CCDC66: variants seen among roughly 807,000 people sequenced by gnomAD.
CCDC66 encodes coiled-coil domain-containing protein 66.
CCDC66 carries 133 observed loss-of-function variants against 128.3 expected under a neutral mutation model. The ratio of observed to expected loss-of-function variants is 1.04; its 90% CI spans 0.90 to 1.20. CCDC66 has a LOEUF of 1.20. Among genes scored for constraint, CCDC66 ranks in the 50% most tolerant of loss-of-function variants. The pLI is 0.00. For missense variants in CCDC66, 1,126 were observed against 1,075.5 expected, an observed-to-expected ratio of 1.05 and a Z score of -0.66; for synonymous variants, 387 against 357.0, an observed-to-expected ratio of 1.08 and a Z score of -0.95.
intron 7 of CCDC66, among the ~76,000 whole-genome samples, chr3:56,588,941 G>GTA (rs2070334771): frequency 6.6e-6 from 1 of 152,176 alleles, no homozygotes; most frequent in Admixed American, 6.5e-5. Context: ...GTGACCTAAA[G>GTA]TATTCATCTC....
intron 10 of CCDC66, among the ~76,000 whole-genome samples, chr3:56,612,705 G>T (rs893901161): frequency 1.1e-4 from 17 of 152,196 alleles, no homozygotes; most frequent in Admixed American, 5.9e-4. Context: ...GCATATGAGG[G>T]TGGGTGCCAG....
chr3:56,586,366 A>T (rs77315462), intron 7 of CCDC66, among the ~76,000 whole-genome samples: 5,099 of 151,118 alleles, frequency 0.034, 139 homozygotes, highest in Middle Eastern at 0.079. Flanking sequence ...ATCTCTACTT[A>T]AAAAATACAA....
Position 56,607,652 on chromosome 3 carries a change from C to G in CCDC66, c.1405-5937C>G, listed in dbSNP as rs547355646. ...TATTTATTTCTGTTGTCTGATTGTTCTGGCTGGGACTTCCAGTACTACGTT... is the reference window on the plus strand; with the variant it reads ...TATTTATTTCTGTTGTCTGATTGTTGTGGCTGGGACTTCCAGTACTACGTT... On this transcript the variant is annotated intron_variant, in intron 10 of 17. Coordinates refer to ENST00000394672, the MANE Select transcript of CCDC66 (RefSeq NM_001141947.3). Among the ~76,000 whole-genome samples, 7 of 152,236 alleles carry G rather than the reference C, an allele frequency of 4.6e-5. No individual in the cohort carries two copies. In the East Asian group the frequency reaches 1.4e-3, roughly 29 times the overall value.
At chr3:56,558,665 T>G in intron 1 of CCDC66, 181 bp from the exon 2 acceptor site, 2 of 621,750 alleles carry the variant, frequency 3.2e-6, no homozygotes, top group Non-Finnish European at 5.8e-6. Context: ...TTTCCCCCTG[T>G]AGTTGTGGGT....
chr3:56,581,835 G>T (rs549169122), intron 7 of CCDC66, among the ~76,000 whole-genome samples: 5 of 151,862 alleles, frequency 3.3e-5, no homozygotes, highest in Non-Finnish European at 7.4e-5. Flanking sequence ...ACTGGGAGGT[G>T]TCTCCCAGTT....
At chr3:56,600,240 C>G (rs2072918609) in intron 10 of CCDC66, among the ~76,000 whole-genome samples, 1 of 151,224 alleles carries the variant, frequency 6.6e-6, no homozygotes, top group Non-Finnish European at 1.5e-5. Context: ...CCTCTGCCTC[C>G]CGGGTTCAAG....
chr3:56,564,453 T>G (rs2065526422), intron 4 of CCDC66, among the ~76,000 whole-genome samples: 1 of 152,186 alleles, frequency 6.6e-6, no homozygotes, highest in African/African-American at 2.4e-5. Flanking sequence ...GAAACATTGT[T>G]TAAAAACAAA....
Position 56,613,668 on chromosome 3 carries a change from A to C in CCDC66, c.1484A>C (p.Glu495Ala). 1.2e-6 allele frequency: 2 copies of C among 1,614,140 alleles called. No individual in the cohort carries two copies. The highest frequency in any genetic ancestry group is 1.7e-6 in the Non-Finnish European group (2 of 1,179,988). Residue 495 changes from glutamate (E) to alanine (A), a missense_variant, in exon 11 of 18, where the codon GAA becomes GCA. Glu to Ala is a moderately radical substitution (Grantham distance 107). Coordinates refer to ENST00000394672, the MANE Select transcript of CCDC66 (RefSeq NM_001141947.3). ...EEEQRKKEEQ[E>A]EELRLAQERE... ...GAGCAAAGAAAGAAGGAAGAACAAG[A>C]AGAGGAGCTTCGCTTAGCACAGGAA...
At chr3:56,580,519 A>G (rs557869275) in intron 7 of CCDC66, among the ~76,000 whole-genome samples, 77 of 151,624 alleles carry the variant, frequency 5.1e-4, no homozygotes, top group African/African-American at 1.8e-3. Flanking sequence ...GGTCTTTACA[A>G]TTTGGCATGT....
At chr3:56,618,248 A>T (rs888707468) in intron 15 of CCDC66, 36 bp downstream of exon 15, 2 of 1,568,450 alleles carry the variant, frequency 1.3e-6, no homozygotes, top group Non-Finnish European at 1.8e-6. Flanking sequence ...CAGCTACTTA[A>T]TGCTTTCTAT....
chr3:56,581,282 C>T (rs544796359), intron 7 of CCDC66, among the ~76,000 whole-genome samples: 2 of 151,926 alleles, frequency 1.3e-5, no homozygotes, highest in South Asian at 2.1e-4. Context: ...CTTCTCTACA[C>T]TGTTTATTCT....
intron 10 of CCDC66, 86 bp downstream of exon 10, chr3:56,594,114 T>C: frequency 8.1e-7 from 1 of 1,235,462 alleles, no homozygotes; most frequent in Non-Finnish European, 1.2e-6. Flanking sequence ...ATTTAAATTC[T>C]GATGTAAACT....
chr3:56,563,895 T>C lies in CCDC66; in HGVS notation c.314T>C (p.Leu105Pro). 6.2e-7 allele frequency: 1 copy of C among 1,612,476 alleles called. No homozygotes were observed. Among genetic ancestry groups the C allele is most frequent in the Non-Finnish European group, 8.5e-7 (1 of 1,178,904 alleles). Reference sequence around the variant, plus strand: ...AAACAATGTATAGATAAAGACTGTCTTCATATCCAGAAAGAGATTTCACCT... The same window carrying C: ...AAACAATGTATAGATAAAGACTGTCCTCATATCCAGAAAGAGATTTCACCT... ...LCKQCIDKDC[L>P]HIQKEISPAT... The change falls in exon 4 of 18, where the codon CTT becomes CCT. Residue 105 changes from leucine (L) to proline (P), a missense_variant. Coordinates refer to ENST00000394672, the MANE Select transcript of CCDC66 (RefSeq NM_001141947.3).
At chr3:56,618,857 TG>T (rs2075920834) in intron 15 of CCDC66, 1 of 160,678 alleles carries the variant, frequency 6.2e-6, no homozygotes, top group Admixed American at 6.2e-5. Context: ...CCCGGTTTTA[TG>T]GAACAATATT....
intron 1 of CCDC66, 115 bp from the exon 2 acceptor site, chr3:56,558,731 T>G: frequency 1.3e-6 from 1 of 794,410 alleles, no homozygotes; most frequent in Non-Finnish European, 2.2e-6. Flanking sequence ...GTGTACAAGA[T>G]TCCTGCATAA....
intron 7 of CCDC66, among the ~76,000 whole-genome samples, chr3:56,578,931 A>G (rs1178603644): frequency 1.3e-5 from 2 of 151,806 alleles, no homozygotes; most frequent in Non-Finnish European, 2.9e-5. Context: ...TCATAAAATG[A>G]GTTAGGGAGG....
Position 56,557,210 on chromosome 3 carries a change from G to C in CCDC66, c.-33G>C. On this transcript the variant is annotated 5_prime_UTR_variant, in exon 1 of 18. Coordinates refer to ENST00000394672, the MANE Select transcript of CCDC66 (RefSeq NM_001141947.3). ...GGCAACCGACGTACACAAGGGGCTT[G>C]AGCGTTCTGTGGAGAGAGTGCGAGG... 4 of 1,551,238 alleles carry C rather than the reference G, an allele frequency of 2.6e-6. No homozygotes were observed. Among genetic ancestry groups the C allele is most frequent in the South Asian group, 2.4e-5 (2 of 84,052 alleles).
chr3:56,614,234 A>T (rs2075218332), intron 11 of CCDC66, among the ~76,000 whole-genome samples: 2 of 152,204 alleles, frequency 1.3e-5, no homozygotes, highest in Non-Finnish European at 2.9e-5. Flanking sequence ...TAGTTCTCAA[A>T]TGTTATATTG....
intron 6 of CCDC66, 123 bp from the exon 7 acceptor site, chr3:56,571,055 TCTC>T (rs1315516090): frequency 1.6e-6 from 1 of 619,008 alleles, no homozygotes; most frequent in Non-Finnish European, 2.6e-6. Flanking sequence ...TGTGAGTTAA[TCTC>T]CTTCCTAAAA....
Sources: gnomAD v4.1 joint callset for allele counts (sites outside exome capture counted in the v4.1 genomes callset) on GRCh38, gnomAD v4.1.1 for gene constraint, MANE v1.5 for transcripts, NCBI Gene and HGNC (gene_info 2026-07-23, HGNC 2026-07-21) for gene names.